Variants in VIT observed in about 807,000 individuals in gnomAD.
The protein encoded by VIT is vitrin.
In VIT, 99 loss-of-function variants were observed where a neutral mutation model predicts 78.0. The observed-to-expected ratio is 1.27, with a 90% confidence interval of 1.08 to 1.50. The LOEUF (loss-of-function observed/expected upper bound fraction) is 1.50. Among genes scored for constraint, VIT ranks in the 40% most tolerant of loss-of-function variants. VIT has a pLI of 0.00. For missense variants in VIT, 1,126 were observed against 875.3 expected, an observed-to-expected ratio of 1.29 and a Z score of -3.61; for synonymous variants, 374 against 334.3, an observed-to-expected ratio of 1.12 and a Z score of -1.29.
At chr2:36,754,152 G>A (rs1668630596) in intron 4 of VIT, among the ~76,000 whole-genome samples, 1 of 152,118 alleles carries the variant, frequency 6.6e-6, no homozygotes, top group African/African-American at 2.4e-5. Flanking sequence ...GAACGTTGTT[G>A]ACTCATCAGG....
At chr2:36,707,923 A>G (rs1665537908) in intron 1 of VIT, among the ~76,000 whole-genome samples, 1 of 152,082 alleles carries the variant, frequency 6.6e-6, no homozygotes, top group African/African-American at 2.4e-5. Context: ...GAAAGAAAGA[A>G]AAACTACTGT....
chr2:36,768,596 G>C (rs1014673870), intron 7 of VIT, among the ~76,000 whole-genome samples: 1 of 152,166 alleles, frequency 6.6e-6, no homozygotes, highest in Non-Finnish European at 1.5e-5. Context: ...AAACCAAGGA[G>C]TAAGGCAGTG....
At chr2:36,795,024 G>C (rs947278758) in intron 12 of VIT, among the ~76,000 whole-genome samples, 1 of 152,034 alleles carries the variant, frequency 6.6e-6, no homozygotes, top group Non-Finnish European at 1.5e-5. Context: ...AGAGAGGAGA[G>C]GATGTTTGAG....
chr2:36,808,891 G>C lies in VIT; in HGVS notation c.1809G>C (p.Lys603Asn). 1 of 1,614,160 alleles carries C rather than the reference G, an allele frequency of 6.2e-7. No individual in the cohort carries two copies. Among genetic ancestry groups the C allele is most frequent in the Non-Finnish European group, 8.5e-7 (1 of 1,180,020 alleles). The change falls in exon 15 of 16, where the codon AAG becomes AAC. Residue 603 changes from lysine (K) to asparagine (N), a missense_variant. By Grantham distance (94) the Lys-to-Asn change is moderately conservative (BLOSUM62 0). Transcript: ENST00000379242. ...INFALEQLFKKSKPNKRKLMI... is the reference protein window; with the variant it reads ...INFALEQLFKNSKPNKRKLMI... ...TCGCCCTGGAGCAGCTCTTCAAGAA[G>C]TCCAAGCCCAACAAGAGGAAGTTAA...
intron 3 of VIT, among the ~76,000 whole-genome samples, chr2:36,738,813 A>G (rs951893448): frequency 6.6e-6 from 1 of 152,232 alleles, no homozygotes; most frequent in African/African-American, 2.4e-5. Flanking sequence ...TCCATGGAAG[A>G]AACTATGGAA....
At chr2:36,735,750 T>C (rs1487217119) in intron 3 of VIT, among the ~76,000 whole-genome samples, 1 of 152,210 alleles carries the variant, frequency 6.6e-6, no homozygotes, top group African/African-American at 2.4e-5. Context: ...TTCCCAGTCT[T>C]AGAAGATCAT....
At chr2:36,743,338 G>T in intron 4 of VIT, 82 bp downstream of exon 4, 1 of 1,373,294 alleles carries the variant, frequency 7.3e-7, no homozygotes. Context: ...GCCATATTTA[G>T]CAAGCAAAAA....
chr2:36,753,096 T>TAAC (rs1028478408), intron 4 of VIT, among the ~76,000 whole-genome samples: 1 of 151,504 alleles, frequency 6.6e-6, no homozygotes, highest in Non-Finnish European at 1.5e-5. Context: ...CTCAGCAAAC[T>TAAC]AACACAAGAA....
At chr2:36,781,224 G>A (rs1558567011) in intron 9 of VIT, among the ~76,000 whole-genome samples, 1 of 152,200 alleles carries the variant, frequency 6.6e-6, no homozygotes, top group South Asian at 2.1e-4. Flanking sequence ...TACCTAGAAC[G>A]ATATTAGGCA....
At chr2:36,791,302 G>GC (rs1239983111) in intron 12 of VIT, among the ~76,000 whole-genome samples, 1 of 152,180 alleles carries the variant, frequency 6.6e-6, no homozygotes, top group African/African-American at 2.4e-5. Context: ...CATGCATTCA[G>GC]CTGGGCAGAG....
At chr2:36,772,682 G>A (rs1440538348) in intron 7 of VIT, among the ~76,000 whole-genome samples, 7 of 152,206 alleles carry the variant, frequency 4.6e-5, no homozygotes, top group Admixed American at 4.6e-4. Context: ...ACCCCAGCCT[G>A]GGGGACAGAG....
chr2:36,775,209 T>C, intron 9 of VIT, 142 bp downstream of exon 9: 1 of 891,460 alleles, frequency 1.1e-6, no homozygotes, highest in Non-Finnish European at 1.7e-6. Flanking sequence ...CATGCTAAGA[T>C]ATTTTAACCT....
At position 36,734,488 on chromosome 2, in the gene VIT, G is replaced by A. The variant is rs1038328031; in HGVS notation, c.118+4997G>A. ...CAGAGGCCTCCTCTCAAGCTGGGTG[G>A]GACTAAAGAATGAGGTGTCTGTTGC... On this transcript the variant is annotated intron_variant, in intron 3 of 15. Transcript: ENST00000379242. Among the ~76,000 whole-genome samples the A allele has an allele frequency of 5.3e-5, 8 of 152,112 alleles. No individual in the cohort carries two copies. The South Asian group carries it at 1.5e-3, about 28-fold the overall frequency.
intron 1 of VIT, among the ~76,000 whole-genome samples, chr2:36,703,466 G>T (rs935243097): frequency 1.3e-5 from 2 of 151,424 alleles, no homozygotes; most frequent in Non-Finnish European, 2.9e-5. Context: ...TAAGACCAAA[G>T]GATCATCTTA....
In VIT at chr2:36,696,875, T is replaced by A. The variant is rs982511382; in HGVS notation, c.-117T>A. On this transcript the variant is annotated 5_prime_UTR_variant, in exon 1 of 16. The change creates a new upstream start codon in the 5' untranslated region. Coordinates refer to ENST00000379242, the MANE Select transcript of VIT (RefSeq NM_053276.4). ...CTCCCTGTTTCTTCCTTAGAATAAT[T>A]TGGATGGGATTTGTGATGCAGGAAA... 1 of 152,116 alleles carries A rather than the reference T, an allele frequency of 6.6e-6. No homozygotes were observed. The highest frequency in any genetic ancestry group is 1.9e-4 in the East Asian group (1 of 5,190). The allele number at this position is 152,116 out of a possible 1,614,324, so 9.4% of individuals were successfully genotyped here.
intron 6 of VIT, among the ~76,000 whole-genome samples, chr2:36,761,506 C>T (rs1023251162): frequency 1.3e-5 from 2 of 151,918 alleles, no homozygotes; most frequent in Non-Finnish European, 2.9e-5. Flanking sequence ...TTTGGGAGGC[C>T]GAGGCAGGCG....
intron 12 of VIT, among the ~76,000 whole-genome samples, chr2:36,795,630 G>A (rs1665839849): frequency 6.6e-6 from 1 of 152,072 alleles, no homozygotes; most frequent in East Asian, 1.9e-4. Context: ...GATCAAGCTG[G>A]TCTCGAACTC....
At chr2:36,730,958 A>G (rs768505453) in intron 3 of VIT, among the ~76,000 whole-genome samples, 22 of 152,210 alleles carry the variant, frequency 1.4e-4, no homozygotes, top group African/African-American at 5.3e-4. Flanking sequence ...TAGAAAACCA[A>G]TTAGGAAAAG....
chr2:36,789,119 A>G (rs1265210354), intron 12 of VIT, among the ~76,000 whole-genome samples: 1 of 152,152 alleles, frequency 6.6e-6, no homozygotes, highest in Non-Finnish European at 1.5e-5. Flanking sequence ...CCACTGTTTT[A>G]TGCTCACATA....
Sources: allele counts gnomAD v4.1 joint callset (sites outside exome capture counted in the v4.1 genomes callset), GRCh38; gene constraint gnomAD v4.1.1; transcripts MANE v1.5; gene names NCBI Gene and HGNC (gene_info 2026-07-23, HGNC 2026-07-21).